The following ERC2 variants were observed in gnomAD, a reference collection of about 807,000 sequenced individuals.
ERC2 encodes ELKS/RAB6-interacting/CAST family member 2.
A neutral mutation model predicts 114.8 loss-of-function variants in ERC2; 42 were observed. That is an observed-to-expected ratio of 0.37 (90% confidence interval 0.29 to 0.47). The LOEUF is 0.47. ERC2 is among the 20% of genes least tolerant of loss of function. The pLI is 0.99. For synonymous variants in ERC2, 454 were observed against 425.5 expected (o/e 1.07, Z -0.82); for missense variants, 939 against 1,150.7 (o/e 0.82, Z 2.66).
At chr3:55,887,306 T>C (rs1310896360) in intron 14 of ERC2, among the ~76,000 whole-genome samples, 1 of 152,238 alleles carries the variant, frequency 6.6e-6, no homozygotes, top group Non-Finnish European at 1.5e-5. Flanking sequence ...AGGTAGTTGA[T>C]GAGGAATAAA....
intron 13 of ERC2, 68 bp from the exon 14 acceptor site, chr3:55,888,617 C>T (rs1216518560): frequency 1.9e-6 from 3 of 1,572,960 alleles, no homozygotes; most frequent in Non-Finnish European, 2.6e-6. Context: ...CCTTGTTAGC[C>T]TGTGTTCCAA....
intron 2 of ERC2, among the ~76,000 whole-genome samples, chr3:56,369,398 C>G (rs945581288): frequency 4.6e-5 from 7 of 152,180 alleles, no homozygotes; most frequent in African/African-American, 1.7e-4. Context: ...CCATTTACAC[C>G]TATAGGAACA....
chr3:56,046,211 C>A (rs2075448278), intron 7 of ERC2, among the ~76,000 whole-genome samples: 1 of 152,164 alleles, frequency 6.6e-6, no homozygotes, highest in African/African-American at 2.4e-5. Flanking sequence ...TCAACCATCA[C>A]CCTTTTCAAG....
intron 3 of ERC2, among the ~76,000 whole-genome samples, chr3:56,210,501 C>T (rs1371245499): frequency 6.6e-6 from 1 of 152,200 alleles, no homozygotes; most frequent in Non-Finnish European, 1.5e-5. Context: ...TGCATCCACA[C>T]TGTAGGTGTG....
chr3:55,547,142 T>C (rs2054813014), intron 17 of ERC2, among the ~76,000 whole-genome samples: 1 of 152,246 alleles, frequency 6.6e-6, no homozygotes, highest in African/African-American at 2.4e-5. Context: ...CTTCTTACAG[T>C]GCCTGGCACA....
At chr3:56,302,078 G>T (rs2055915436) in intron 2 of ERC2, among the ~76,000 whole-genome samples, 1 of 152,138 alleles carries the variant, frequency 6.6e-6, no homozygotes, top group South Asian at 2.1e-4. Context: ...AGAACTCAAA[G>T]AAACCTTAAA....
chr3:56,112,432 GACACAC>G (rs3052551), intron 6 of ERC2, among the ~76,000 whole-genome samples: 69,998 of 148,986 alleles, frequency 0.47, 16,628 homozygotes, highest in East Asian at 0.65. Flanking sequence ...AAGACAGACA[GACACAC>G]ACACACACAC....
At chr3:55,634,348 C>T (rs139221061) in intron 17 of ERC2, among the ~76,000 whole-genome samples, 30 of 152,280 alleles carry the variant, frequency 2.0e-4, no homozygotes, top group Non-Finnish European at 1.0e-4. Flanking sequence ...CATTCATGCT[C>T]CTACTATTTA....
At chr3:56,206,338 C>A (rs1229706238) in intron 3 of ERC2, among the ~76,000 whole-genome samples, 1 of 152,208 alleles carries the variant, frequency 6.6e-6, no homozygotes, top group South Asian at 2.1e-4. Context: ...TTCAGTAGTT[C>A]CCAATTTTCC....
chr3:55,825,544 T>G (rs1346259338), intron 14 of ERC2, among the ~76,000 whole-genome samples: 2 of 152,208 alleles, frequency 1.3e-5, no homozygotes, highest in Non-Finnish European at 2.9e-5. Flanking sequence ...TACACAAATA[T>G]CCATCTAAAA....
At chr3:55,570,340 C>T (rs2107520630) in intron 17 of ERC2, among the ~76,000 whole-genome samples, 1 of 152,218 alleles carries the variant, frequency 6.6e-6, no homozygotes, top group Non-Finnish European at 1.5e-5. Context: ...TGGAAAGGCC[C>T]CCAATCACAG....
chr3:56,055,245 C>T (rs572162710), intron 7 of ERC2, among the ~76,000 whole-genome samples: 1 of 152,318 alleles, frequency 6.6e-6, no homozygotes, highest in East Asian at 1.9e-4. Context: ...ACAACCTGAG[C>T]TGGTGCCTTC....
intron 1 of ERC2, among the ~76,000 whole-genome samples, chr3:56,467,449 T>A (rs1174328424): frequency 1.3e-5 from 2 of 152,062 alleles, no homozygotes; most frequent in African/African-American, 4.8e-5. Context: ...ACAAAATAAA[T>A]AAGGCAGGGC....
chr3:56,151,531 GA>G (rs1314592386), intron 4 of ERC2, among the ~76,000 whole-genome samples: 5 of 152,142 alleles, frequency 3.3e-5, no homozygotes, highest in African/African-American at 1.2e-4. Flanking sequence ...TGCCCAAGAA[GA>G]TATTCAAAAC....
chr3:56,120,779 G>C (rs962542362), intron 6 of ERC2, among the ~76,000 whole-genome samples: 3 of 152,332 alleles, frequency 2.0e-5, no homozygotes, highest in Non-Finnish European at 1.5e-5. Context: ...ACACCTGGGA[G>C]CTTTGATTAA....
chr3:55,886,963 CAACA>C (rs1003519433), intron 14 of ERC2, among the ~76,000 whole-genome samples: 6 of 152,192 alleles, frequency 3.9e-5, no homozygotes, highest in Admixed American at 1.3e-4. Context: ...CTGTTGTGGG[CAACA>C]AACAATCATT....
chr3:55,781,642 G>A (rs766353414), intron 14 of ERC2, among the ~76,000 whole-genome samples: 1 of 151,754 alleles, frequency 6.6e-6, no homozygotes, highest in Non-Finnish European at 1.5e-5. Flanking sequence ...GAGGCCGAGG[G>A]GGGTGGATCA....
At chr3:56,123,015 A>C (rs2079666414) in intron 6 of ERC2, among the ~76,000 whole-genome samples, 1 of 152,138 alleles carries the variant, frequency 6.6e-6, no homozygotes, top group Non-Finnish European at 1.5e-5. Context: ...CTACCATTCA[A>C]TACACATCTC....
chr3:56,123,936 T>C (rs1398636375), intron 6 of ERC2, among the ~76,000 whole-genome samples: 2 of 152,232 alleles, frequency 1.3e-5, no homozygotes, highest in Non-Finnish European at 2.9e-5. Flanking sequence ...GTCGCCTAAC[T>C]TACCCAGGGC....
Sources: allele counts gnomAD v4.1 joint callset (sites outside exome capture counted in the v4.1 genomes callset), GRCh38; gene constraint gnomAD v4.1.1; transcripts MANE v1.5; gene names NCBI Gene and HGNC (gene_info 2026-07-23, HGNC 2026-07-21).